TMEM245: variants seen among roughly 807,000 people sequenced by gnomAD.
TMEM245 encodes the protein transmembrane protein 245.
In TMEM245, 69 loss-of-function variants were observed where a neutral mutation model predicts 101.2. The ratio of observed to expected loss-of-function variants is 0.68; its 90% CI spans 0.56 to 0.83. TMEM245 has a LOEUF of 0.83. Ranked by LOEUF, TMEM245 falls within the 40% of genes least tolerant of loss-of-function variation. The pLI, the probability that TMEM245 is intolerant of heterozygous loss-of-function variation, is 0.00. For synonymous variants in TMEM245, 537 were observed against 449.8 expected (o/e 1.19, Z -2.45); for missense variants, 1,075 against 1,092.8 (o/e 0.98, Z 0.23).
intron 17 of TMEM245, among the ~76,000 whole-genome samples, chr9:109,025,972 GT>G (rs1564166810): frequency 6.6e-6 from 1 of 152,162 alleles, no homozygotes; most frequent in Non-Finnish European, 1.5e-5. Flanking sequence ...AGTCTAACAA[GT>G]TTTTTTGCAG....
chr9:109,108,764 T>C (rs990421132), intron 1 of TMEM245, among the ~76,000 whole-genome samples, 194 bp from the exon 2 acceptor site: 1 of 152,168 alleles, frequency 6.6e-6, no homozygotes, highest in African/African-American at 2.4e-5. Flanking sequence ...TACTAGGCAT[T>C]TGAAATCTCA....
chr9:109,016,357 C>T lies in TMEM245; in HGVS notation c.*4103G>A, dbSNP rs1827438158. 6.6e-6 allele frequency: 1 copy of T among 151,936 alleles called. No individual in the cohort carries two copies. Among genetic ancestry groups the T allele is most frequent in the South Asian group, 2.1e-4 (1 of 4,814 alleles). 9.4% of individuals were successfully genotyped at this position (151,936 alleles called of 1,614,324 possible). On this transcript the variant is annotated 3_prime_UTR_variant, in exon 18 of 18. Coordinates refer to ENST00000374586, the MANE Select transcript of TMEM245 (RefSeq NM_032012.4). ...CTCTTGGAACTACTGCTATATGGAA[C>T]ACATTTTGCCAAAAGCTGCTCAACC...
chr9:109,117,527 T>C (rs1830757046), intron 1 of TMEM245, among the ~76,000 whole-genome samples: 1 of 152,168 alleles, frequency 6.6e-6, no homozygotes, highest in South Asian at 2.1e-4. Context: ...AACCCACAAA[T>C]GAAATACAAA....
At chr9:109,059,700 A>T (rs1015777003) in intron 11 of TMEM245, among the ~76,000 whole-genome samples, 3 of 151,932 alleles carry the variant, frequency 2.0e-5, no homozygotes, top group Non-Finnish European at 4.4e-5. Flanking sequence ...ATAAATAAAT[A>T]AATAATAATA....
At chr9:109,114,406 T>TG (rs2132672168) in intron 1 of TMEM245, among the ~76,000 whole-genome samples, 1 of 152,306 alleles carries the variant, frequency 6.6e-6, no homozygotes, top group South Asian at 2.1e-4. Context: ...AAGAGCCTCT[T>TG]GTGATGTGTA....
intron 11 of TMEM245, among the ~76,000 whole-genome samples, chr9:109,058,159 C>T (rs1218395970): frequency 1.3e-5 from 2 of 151,506 alleles, no homozygotes; most frequent in African/African-American, 4.9e-5. Flanking sequence ...TGCCACAACG[C>T]CTGGCTAATT....
At position 109,019,434 on chromosome 9, in the gene TMEM245, C is replaced by G. The variant is rs558209525; in HGVS notation, c.*1026G>C. On this transcript the variant is annotated 3_prime_UTR_variant, in exon 18 of 18. Transcript: ENST00000374586. ...TGATGTACTTGTGAAATAGTATGTG[C>G]AAAAGGACTTTGTAAAATGTAAAGC... 1 of 152,276 alleles carries G rather than the reference C, an allele frequency of 6.6e-6. No homozygotes were observed. The highest frequency in any genetic ancestry group is 2.1e-4 in the South Asian group (1 of 4,824). The allele number at this position is 152,276 out of a possible 1,614,324, so 9.4% of individuals were successfully genotyped here.
intron 3 of TMEM245, among the ~76,000 whole-genome samples, chr9:109,096,973 T>C (rs1430406295): frequency 6.6e-6 from 1 of 152,226 alleles, no homozygotes; most frequent in Non-Finnish European, 1.5e-5. Context: ...TATATGCTGA[T>C]ATAAGAGACT....
intron 8 of TMEM245, among the ~76,000 whole-genome samples, chr9:109,075,021 A>G (rs1348428373): frequency 2.0e-5 from 3 of 152,234 alleles, no homozygotes; most frequent in Non-Finnish European, 4.4e-5. Context: ...GCTAAGGGAC[A>G]TAATCTTACT....
intron 14 of TMEM245, among the ~76,000 whole-genome samples, chr9:109,046,015 G>C (rs1396127341): frequency 1.3e-5 from 2 of 151,998 alleles, no homozygotes; most frequent in African/African-American, 2.4e-5. Context: ...TGGAAACACT[G>C]ATTTACTAAA....
chr9:109,026,343 G>A (rs765460317), intron 17 of TMEM245, among the ~76,000 whole-genome samples: 12 of 152,088 alleles, frequency 7.9e-5, no homozygotes, highest in Non-Finnish European at 1.5e-4. Context: ...CTGGCAAGGA[G>A]GCCATAACCT....
chr9:109,057,141 A>C, intron 12 of TMEM245, 50 bp downstream of exon 12: 1 of 1,588,686 alleles, frequency 6.3e-7, no homozygotes, highest in Non-Finnish European at 8.6e-7. Context: ...TTGGAATTAC[A>C]GTTTGTTTTT....
Position 109,086,041 on chromosome 9 carries a change from T to A in TMEM245, c.1321-21A>T, listed in dbSNP as rs1231912018. 1.3e-5 allele frequency: 21 copies of A among 1,612,908 alleles called. No individual in the cohort carries two copies. In the Admixed American group the frequency reaches 3.5e-4, roughly 27 times the overall value. ...CAGAGCTTGAGGATAGGGGGTAAGG[T>A]GAGAAAGAGAAGATAAGAACAGTGG... On this transcript the variant is annotated intron_variant, in intron 6 of 17. Transcript: ENST00000374586.
At chr9:109,033,572 T>G in intron 16 of TMEM245, 71 bp from the exon 17 acceptor site, 1 of 1,449,548 alleles carries the variant, frequency 6.9e-7, no homozygotes, top group Non-Finnish European at 9.3e-7. Flanking sequence ...TAATACAATG[T>G]GCATTCTTTA....
chr9:109,087,697 T>C (rs1829882628), intron 5 of TMEM245, among the ~76,000 whole-genome samples: 1 of 152,238 alleles, frequency 6.6e-6, no homozygotes, highest in African/African-American at 2.4e-5. Flanking sequence ...GGGTAAATAA[T>C]ACAAACCCCT....
intron 8 of TMEM245, among the ~76,000 whole-genome samples, chr9:109,077,646 T>A (rs949681832): frequency 6.6e-6 from 1 of 152,262 alleles, no homozygotes; most frequent in Non-Finnish European, 1.5e-5. Flanking sequence ...TATGTCAATA[T>A]TAACTCTTAT....
At chr9:109,061,553 T>C (rs1474802257) in intron 10 of TMEM245, among the ~76,000 whole-genome samples, 1 of 152,192 alleles carries the variant, frequency 6.6e-6, no homozygotes, top group Non-Finnish European at 1.5e-5. Flanking sequence ...TTACCCACTC[T>C]AAGGATATAC....
At chr9:109,059,004 T>C (rs1048018392) in intron 11 of TMEM245, among the ~76,000 whole-genome samples, 2 of 152,174 alleles carry the variant, frequency 1.3e-5, no homozygotes, top group African/African-American at 2.4e-5. Context: ...TGGGGGACAA[T>C]TGTACTTAAC....
At chr9:109,021,675 C>T (rs1303781682) in intron 17 of TMEM245, among the ~76,000 whole-genome samples, 1 of 152,044 alleles carries the variant, frequency 6.6e-6, no homozygotes, top group Non-Finnish European at 1.5e-5. Context: ...GACACCACAT[C>T]CGGCTAATTT....
Sources: allele counts gnomAD v4.1 joint callset (sites outside exome capture counted in the v4.1 genomes callset), GRCh38; gene constraint gnomAD v4.1.1; transcripts MANE v1.5; gene names NCBI Gene and HGNC (gene_info 2026-07-23, HGNC 2026-07-21).